The following SPTBN1 variants were observed in gnomAD, a reference collection of about 807,000 sequenced individuals.
The protein encoded by SPTBN1 is spectrin beta chain, non-erythrocytic 1.
Under a neutral mutation model 266.4 loss-of-function variants are expected in SPTBN1, and 32 were observed. The observed-to-expected ratio is 0.12, with a 90% CI of 0.09 to 0.16. The LOEUF is 0.16. Ranked by LOEUF, SPTBN1 falls within the 10% of genes least tolerant of loss-of-function variation. The probability of loss-of-function intolerance (pLI) is 1.00; values close to 1 mark genes in which losing one functional copy is unlikely to be tolerated. For missense variants in SPTBN1, 2,296 were observed against 3,067.1 expected (o/e 0.75, Z 5.94); for synonymous variants, 1,336 against 1,162.2 (o/e 1.15, Z -3.04).
rs532134579 is a variant in SPTBN1 at position 54,485,876 on chromosome 2, G to A, written c.-48+29358G>A. On this transcript the variant is annotated intron_variant, in intron 1 of 35. Coordinates refer to ENST00000356805, the MANE Select transcript of SPTBN1 (RefSeq NM_003128.3). The stretch of plus-strand genomic sequence containing the variant: ...TGGGATGTGAGGAGCGCCTCTGCCC[G>A]GCCGCGACCCGTCTGGGAGGTGAGG... 2.6e-5 allele frequency among the ~76,000 whole-genome samples: 4 copies of A among 151,010 alleles called. No individual in the cohort carries two copies. In the South Asian group the frequency reaches 6.3e-4, roughly 24 times the overall value.
chr2:54,557,892 G>T (rs1284168607), intron 2 of SPTBN1: 2 of 985,292 alleles, frequency 2.0e-6, no homozygotes, highest in Non-Finnish European at 2.4e-6. Flanking sequence ...CTTCTTCCCG[G>T]TGGCTCGCCG....
chr2:54,611,338 A>G (rs1178031972), intron 3 of SPTBN1, among the ~76,000 whole-genome samples: 3 of 152,176 alleles, frequency 2.0e-5, no homozygotes, highest in Non-Finnish European at 4.4e-5. Context: ...AGGCCCAACT[A>G]AAGGTCAACT....
At position 54,622,310 on chromosome 2, in the gene SPTBN1, A is replaced by G. The variant is rs779442541; in HGVS notation, c.887A>G (p.Asn296Ser). The G allele has an allele frequency of 1.9e-6, 3 of 1,614,014 alleles. No homozygotes were observed. In the African/African-American group the frequency reaches 4.0e-5, roughly 22 times the overall value. The stretch of plus-strand genomic sequence containing the variant: ...ATCCCTTGTTGCCAGGTGCTTGACA[A>G]TGCTATTGAAACAGAAAAAATGATT... ...EGKRIGKVLD[N>S]AIETEKMIEK... Residue 296 changes from asparagine (N) to serine (S), a missense_variant, in exon 9 of 36, where the codon AAT becomes AGT. Physicochemically the swap from Asn to Ser is conservative, Grantham distance 46 (BLOSUM62 1). Around this residue, in one of 12 missense-constraint regions of SPTBN1, gnomAD observed 148 missense variants for 203.8 expected, o/e 0.73. Transcript: ENST00000356805.
intron 1 of SPTBN1, among the ~76,000 whole-genome samples, chr2:54,472,439 A>C (rs1693976832): frequency 6.6e-6 from 1 of 152,162 alleles, no homozygotes; most frequent in Non-Finnish European, 1.5e-5. Context: ...GGCATTGGTT[A>C]CTTTGCTGTG....
At chr2:54,529,331 G>C (rs558528903) in intron 2 of SPTBN1, 111 of 557,216 alleles carry the variant, frequency 2.0e-4, no homozygotes, top group Admixed American at 4.8e-4. Context: ...ATACACTTGA[G>C]ACCCTTTTCA....
At chr2:54,492,349 G>GTTTTTTTTTTTTTT (rs542155672) in intron 1 of SPTBN1, among the ~76,000 whole-genome samples, 1 of 132,634 alleles carries the variant, frequency 7.5e-6, no homozygotes, top group African/African-American at 2.8e-5. Context: ...TTGTTTTTTT[G>GTTTTTTTTTTTTTT]TTTTTTTTTT....
chr2:54,590,693 A>C (rs889756974), intron 2 of SPTBN1, among the ~76,000 whole-genome samples: 1 of 152,244 alleles, frequency 6.6e-6, no homozygotes, highest in Non-Finnish European at 1.5e-5. Flanking sequence ...CAAAGATGGG[A>C]AAAAGCAGTG....
intron 1 of SPTBN1, among the ~76,000 whole-genome samples, chr2:54,512,020 G>A (rs1470486793): frequency 1.3e-5 from 2 of 152,136 alleles, no homozygotes; most frequent in African/African-American, 4.8e-5. Flanking sequence ...CATAAGGAGC[G>A]CACAATCCTG....
intron 1 of SPTBN1, among the ~76,000 whole-genome samples, chr2:54,473,516 GCA>G (rs60955865): frequency 0.22 from 33,089 of 150,328 alleles, 4,594 homozygotes; most frequent in East Asian, 0.38. Context: ...TTTTTTTTAA[GCA>G]CACACGCACA....
chr2:54,661,122 T>G, intron 32 of SPTBN1: 1 of 985,420 alleles, frequency 1.0e-6, no homozygotes, highest in Non-Finnish European at 1.2e-6. Flanking sequence ...ATCTTCTGAT[T>G]CATTGTTCAT....
chr2:54,600,449 G>A (rs896698801), intron 3 of SPTBN1, among the ~76,000 whole-genome samples: 18 of 151,420 alleles, frequency 1.2e-4, no homozygotes, highest in African/African-American at 2.7e-4. Context: ...GACAAATAAC[G>A]GAGACCCCTG....
chr2:54,618,292 T>C, intron 7 of SPTBN1, 99 bp downstream of exon 7: 2 of 1,064,590 alleles, frequency 1.9e-6, no homozygotes, highest in South Asian at 3.4e-5. Context: ...ATTTGGGAGT[T>C]ATCAAAGGAA....
chr2:54,531,653 A>G (rs1175675800), intron 2 of SPTBN1, among the ~76,000 whole-genome samples: 2 of 151,182 alleles, frequency 1.3e-5, no homozygotes, highest in African/African-American at 4.9e-5. Flanking sequence ...TCACTTGTCC[A>G]GTACCAGCTT....
At position 54,639,813 on chromosome 2, in the gene SPTBN1, C is replaced by G. The variant is rs189918589; in HGVS notation, c.3858+2010C>G. Among the ~76,000 whole-genome samples the G allele has an allele frequency of 6.5e-4, 99 of 152,312 alleles. 1 individual carries two copies. The highest frequency in any genetic ancestry group is 1.9e-3 in the African/African-American group (80 of 41,568). On this transcript the variant is annotated intron_variant, in intron 18 of 35. Coordinates refer to ENST00000356805, the MANE Select transcript of SPTBN1 (RefSeq NM_003128.3). The stretch of plus-strand genomic sequence containing the variant: ...TATGAGGCATGCCCAGGGGCTCTGT[C>G]TTCTGTGACTTCTCCTCAAAGGACA...
Position 54,531,514 on chromosome 2 carries a change from C to A in SPTBN1, c.148+4948C>A, listed in dbSNP as rs1320686272. 2.6e-5 allele frequency among the ~76,000 whole-genome samples: 4 copies of A among 152,080 alleles called. No homozygotes were observed. In the East Asian group the frequency reaches 7.7e-4, roughly 29 times the overall value. On this transcript the variant is annotated intron_variant, in intron 2 of 35. Transcript: ENST00000356805. ...TCATAGCTAACTACAGCCTTGAATT[C>A]CTGATCTCCAGTGATCCTCCTGCCT... is the stretch of plus-strand genomic sequence containing the variant.
chr2:54,506,866 T>G (rs1434792884), intron 1 of SPTBN1, among the ~76,000 whole-genome samples: 1 of 148,232 alleles, frequency 6.7e-6, no homozygotes, highest in African/African-American at 2.5e-5. Flanking sequence ...CCAGAGAAAG[T>G]AAAGTTTAGG....
intron 2 of SPTBN1, among the ~76,000 whole-genome samples, chr2:54,564,052 C>T (rs1412715692): frequency 6.6e-6 from 1 of 152,182 alleles, no homozygotes; most frequent in African/African-American, 2.4e-5. Flanking sequence ...GCCCAAATAA[C>T]TTGAATACAT....
At chr2:54,480,575 G>A (rs1376426958) in intron 1 of SPTBN1, among the ~76,000 whole-genome samples, 1 of 152,140 alleles carries the variant, frequency 6.6e-6, no homozygotes, top group Non-Finnish European at 1.5e-5. Context: ...ATTCTATTCA[G>A]TATAACCCAC....
intron 2 of SPTBN1, among the ~76,000 whole-genome samples, chr2:54,598,546 A>G (rs552474350): frequency 6.6e-6 from 1 of 152,204 alleles, no homozygotes; most frequent in Non-Finnish European, 1.5e-5. Context: ...TATCTTGTCC[A>G]GTGTTGCCCA....
Sources: allele counts gnomAD v4.1 joint callset (sites outside exome capture counted in the v4.1 genomes callset), GRCh38; gene constraint gnomAD v4.1.1; regional missense constraint gnomAD v4.1.1; transcripts MANE v1.5; gene names NCBI Gene and HGNC (gene_info 2026-07-23, HGNC 2026-07-21).